Variants in ACYP2 observed in about 807,000 individuals in gnomAD.
ACYP2 encodes acylphosphatase-2.
ACYP2 carries 12 observed loss-of-function variants against 11.2 expected under a neutral mutation model. The ratio of observed to expected loss-of-function variants is 1.08; its 90% CI spans 0.69 to 1.74. The LOEUF (loss-of-function observed/expected upper bound fraction) is 1.74. Ranked by LOEUF, ACYP2 falls within the 40% of genes most tolerant of loss-of-function variation. The probability of loss-of-function intolerance (pLI) is 0.00; values close to 1 mark genes in which losing one functional copy is unlikely to be tolerated. For synonymous variants in ACYP2, 43 were observed against 32.2 expected, an observed-to-expected ratio of 1.33 and a Z score of -1.13; for missense variants, 134 against 101.9, an observed-to-expected ratio of 1.31 and a Z score of -1.35.
chr2:54,224,691 G>A (rs966372894), intron 6 of ACYP2, among the ~76,000 whole-genome samples: 1 of 140,030 alleles, frequency 7.1e-6, no homozygotes, highest in Non-Finnish European at 1.5e-5. Flanking sequence ...TCTTCGCCTT[G>A]GAGGTGGGGT....
rs368974311 is a variant in ACYP2, at chr2:54,196,184, A to G, written c.404+57436A>G. Among the ~76,000 whole-genome samples, 14 of 152,196 alleles carry G rather than the reference A, an allele frequency of 9.2e-5. No homozygotes were observed. The South Asian group carries it at 1.9e-3, about 20-fold the overall frequency. On this transcript the variant is annotated intron_variant, in intron 6 of 6. Transcript: ENST00000607452. ...TAAATGGGCATCTAGAACTTCTGCC[A>G]TACCTTGATATTTAACATATTTTAT... is the stretch of plus-strand genomic sequence containing the variant.
chr2:54,095,645 C>T (rs1344890075), intron 4 of ACYP2, among the ~76,000 whole-genome samples: 3 of 144,508 alleles, frequency 2.1e-5, no homozygotes, highest in Non-Finnish European at 4.6e-5. Context: ...GATGGGGCGG[C>T]TGGCCGCGCG....
intron 6 of ACYP2, among the ~76,000 whole-genome samples, chr2:54,141,319 T>C (rs941958498): frequency 1.3e-5 from 2 of 152,204 alleles, no homozygotes; most frequent in Non-Finnish European, 2.9e-5. Flanking sequence ...AATATGGCTA[T>C]TTTTTTCTCT....
intron 4 of ACYP2, among the ~76,000 whole-genome samples, chr2:54,073,809 AAAAT>A (rs1677188023): frequency 6.6e-6 from 1 of 152,368 alleles, no homozygotes; most frequent in Admixed American, 6.5e-5. Flanking sequence ...CATTATTAGA[AAAAT>A]AATCAAAACT....
At chr2:54,217,096 CT>C (rs1685588218) in intron 6 of ACYP2, among the ~76,000 whole-genome samples, 2 of 151,972 alleles carry the variant, frequency 1.3e-5, no homozygotes, top group South Asian at 4.1e-4. Flanking sequence ...TCTCATTTTC[CT>C]TTCTTGACCC....
intron 6 of ACYP2, among the ~76,000 whole-genome samples, chr2:54,182,981 T>C (rs1407727256): frequency 2.6e-5 from 4 of 152,146 alleles, no homozygotes; most frequent in Non-Finnish European, 5.9e-5. Flanking sequence ...CAAATATAAC[T>C]CAAGCTAGGA....
intron 6 of ACYP2, among the ~76,000 whole-genome samples, chr2:54,237,008 G>A (rs572471743): frequency 6.6e-6 from 1 of 152,158 alleles, no homozygotes; most frequent in Non-Finnish European, 1.5e-5. Context: ...AACACATACA[G>A]ACTTTTTGTC....
At chr2:54,249,434 C>G (rs1052106404) in intron 6 of ACYP2, among the ~76,000 whole-genome samples, 1 of 94,726 alleles carries the variant, frequency 1.1e-5, no homozygotes, top group Non-Finnish European at 2.2e-5. Flanking sequence ...GACTCCGTCT[C>G]AAAAAAAAAA....
intron 4 of ACYP2, among the ~76,000 whole-genome samples, chr2:54,113,772 C>T (rs933433089): frequency 2.0e-5 from 3 of 152,076 alleles, no homozygotes; most frequent in Non-Finnish European, 4.4e-5. Context: ...TGTTTTAAAC[C>T]TCTGTACTGA....
At chr2:54,118,639 G>A (rs73935065) in intron 4 of ACYP2, among the ~76,000 whole-genome samples, 1,823 of 152,276 alleles carry the variant, frequency 0.012, 44 homozygotes, top group African/African-American at 0.042. Context: ...CCACTTTTGT[G>A]CACATAGTGG....
At chr2:54,137,055 A>G (rs565461820) in intron 5 of ACYP2, among the ~76,000 whole-genome samples, 1 of 152,286 alleles carries the variant, frequency 6.6e-6, no homozygotes, top group South Asian at 2.1e-4. Context: ...TCAAAATCAA[A>G]ATGTTGCTAC....
chr2:54,073,493 A>G (rs1677171949), intron 4 of ACYP2, among the ~76,000 whole-genome samples: 1 of 152,260 alleles, frequency 6.6e-6, no homozygotes, highest in African/African-American at 2.4e-5. Flanking sequence ...TGGGTTTGAC[A>G]CCAAAAACAC....
chr2:54,203,765 T>C (rs1684952948), intron 6 of ACYP2, among the ~76,000 whole-genome samples: 2 of 152,032 alleles, frequency 1.3e-5, no homozygotes, highest in South Asian at 2.1e-4. Flanking sequence ...CTTGATTGCT[T>C]ATCATATGTC....
chr2:54,194,815 C>G (rs1405088958), intron 6 of ACYP2, among the ~76,000 whole-genome samples: 2 of 152,032 alleles, frequency 1.3e-5, no homozygotes. Context: ...TTTTATGAAC[C>G]TTTATACCTT....
intron 2 of ACYP2, among the ~76,000 whole-genome samples, chr2:54,002,578 C>CCAGCCTGGGGG (rs1558464207): frequency 6.6e-6 from 1 of 151,924 alleles, no homozygotes; most frequent in Admixed American, 6.6e-5. Context: ...GTCTTGCACT[C>CCAGCCTGGGGG]AACTGATTCA....
At chr2:54,294,740 A>G (rs1323782610) in intron 6 of ACYP2, among the ~76,000 whole-genome samples, 1 of 151,558 alleles carries the variant, frequency 6.6e-6, no homozygotes, top group African/African-American at 2.4e-5. Context: ...GTGAGACCCC[A>G]TCTCTACAAA....
intron 6 of ACYP2, among the ~76,000 whole-genome samples, chr2:54,249,331 G>A (rs951955105): frequency 1.3e-5 from 2 of 151,188 alleles, no homozygotes. Context: ...GAATAAGGGC[G>A]ATTCCAATTT....
chr2:54,237,120 G>T (rs967823625), intron 6 of ACYP2, among the ~76,000 whole-genome samples: 2 of 152,096 alleles, frequency 1.3e-5, no homozygotes, highest in Admixed American at 1.3e-4. Context: ...AAACACATGG[G>T]AATACATTAT....
intron 2 of ACYP2, among the ~76,000 whole-genome samples, chr2:54,006,210 C>T (rs933174412): frequency 3.3e-5 from 5 of 151,854 alleles, no homozygotes; most frequent in African/African-American, 9.7e-5. Flanking sequence ...TGCAATGGTA[C>T]GATCTCGGCT....
Sources: gnomAD v4.1 joint callset for allele counts (sites outside exome capture counted in the v4.1 genomes callset) on GRCh38, gnomAD v4.1.1 for gene constraint, MANE v1.5 for transcripts, NCBI Gene and HGNC (gene_info 2026-07-23, HGNC 2026-07-21) for gene names.